The following ANKRD36B variants were observed in gnomAD, a reference collection of about 807,000 sequenced individuals.
ANKRD36B encodes the protein ankyrin repeat domain 36B, also known as ankyrin repeat domain-containing protein 36B.
ANKRD36B carries 37 observed loss-of-function variants against 135.7 expected under a neutral mutation model. That is an observed-to-expected ratio of 0.27 (90% confidence interval 0.21 to 0.36). The LOEUF is 0.36. Among genes scored for constraint, ANKRD36B ranks in the 10% least tolerant of loss-of-function variants. The probability of loss-of-function intolerance (pLI) is 1.00; values close to 1 mark genes in which losing one functional copy is unlikely to be tolerated. For missense variants in ANKRD36B, 549 were observed against 1,037.1 expected (o/e 0.53, Z 6.46); for synonymous variants, 179 against 348.1 (o/e 0.51, Z 5.41).
chr2:97,567,426 C>T (rs1433487951), intron 6 of ANKRD36B, among the ~76,000 whole-genome samples: 1 of 151,766 alleles, frequency 6.6e-6, no homozygotes, highest in Non-Finnish European at 1.5e-5. Flanking sequence ...TAATCACACC[C>T]TGATCACTAT....
At chr2:97,551,788 CAG>C (rs1032698821) in intron 16 of ANKRD36B, among the ~76,000 whole-genome samples, 3 of 151,950 alleles carry the variant, frequency 2.0e-5, no homozygotes, top group African/African-American at 7.2e-5. Context: ...GATCTAAAAT[CAG>C]AGGAGAAACT....
At chr2:97,580,652 C>T in intron 3 of ANKRD36B, 84 bp from the exon 4 acceptor site, 1 of 1,282,192 alleles carries the variant, frequency 7.8e-7, no homozygotes, top group South Asian at 1.4e-5. Context: ...ATCCTGTGAG[C>T]TTCAATATAT....
chr2:97,557,159 C>T, intron 10 of ANKRD36B, 27 bp from the exon 11 acceptor site: 1 of 1,510,580 alleles, frequency 6.6e-7, no homozygotes, highest in Non-Finnish European at 8.9e-7. Context: ...ATATATAATT[C>T]ATCATATGTA....
rs1172855762 is a variant in ANKRD36B, at chr2:97,543,950, T to C, written c.1710+7A>G. The C allele has an allele frequency of 1.8e-5, 3 of 165,236 alleles. 1 individual carries two copies. Among genetic ancestry groups the C allele is most frequent in the East Asian group, 6.5e-5 (1 of 15,374 alleles). The allele number at this position is 165,236 out of a possible 1,614,324, so 10.2% of individuals were successfully genotyped here. On this transcript the variant is annotated splice_region_variant and intron_variant, in intron 25 of 43. Coordinates refer to ENST00000359901, the MANE Select transcript of ANKRD36B (RefSeq NM_001393939.1). ...ATAGTTCACAATATAAATGAGAGTTTAATTACCTTCAAGGCTGGTTGTTTC... is the reference window on the plus strand; with the variant it reads ...ATAGTTCACAATATAAATGAGAGTTCAATTACCTTCAAGGCTGGTTGTTTC...
In ANKRD36B at chr2:97,540,861, T is replaced by C. The variant is rs1451760952; in HGVS notation, c.1886-632A>G. 2.1e-5 allele frequency among the ~76,000 whole-genome samples: 2 copies of C among 96,516 alleles called. 1 individual carries two copies. The highest frequency in any genetic ancestry group is 4.6e-4 in the East Asian group (2 of 4,340). The allele number at this position is 96,516 out of a possible 152,430, so 63.3% of individuals were successfully genotyped here. A position where few individuals can be genotyped will look rare whatever the true frequency, so the allele number is the denominator to read the frequency against. ...AGTTTCTTGTATCCACTCGTTTAGC[T>C]TTCCAAAAGTTTCTTCATCCATTCA... On this transcript the variant is annotated intron_variant, in intron 28 of 43. Coordinates refer to ENST00000359901, the MANE Select transcript of ANKRD36B (RefSeq NM_001393939.1).
rs562775706 is a variant in ANKRD36B at position 97,558,908 on chromosome 2, A to G, written c.895-37T>C. The G allele has an allele frequency of 4.4e-5, 70 of 1,608,800 alleles. No homozygotes were observed. The South Asian group carries it at 6.3e-4, about 14-fold the overall frequency. On this transcript the variant is annotated intron_variant, in intron 9 of 43. Coordinates refer to ENST00000359901, the MANE Select transcript of ANKRD36B (RefSeq NM_001393939.1). ...TTGAAACAAAATAATCAATATGTAA[A>G]GTAGGTTTCATAGACTATACGGTTA...
At chr2:97,550,899 G>C (rs2079991044) in intron 18 of ANKRD36B, among the ~76,000 whole-genome samples, 1 of 151,812 alleles carries the variant, frequency 6.6e-6, no homozygotes, top group African/African-American at 2.4e-5. Flanking sequence ...CAGTGTCTAT[G>C]GGTTATTATG....
At chr2:97,557,242 G>C (rs2080615512) in intron 10 of ANKRD36B, 110 bp from the exon 11 acceptor site, 1 of 1,446,232 alleles carries the variant, frequency 6.9e-7, no homozygotes, top group East Asian at 2.5e-5. Context: ...CACTAGTGTA[G>C]GATTTGATGT....
chr2:97,580,126 T>C (rs1008502780), intron 4 of ANKRD36B, among the ~76,000 whole-genome samples: 7 of 152,212 alleles, frequency 4.6e-5, no homozygotes, highest in Non-Finnish European at 7.3e-5. Flanking sequence ...GATCATACAA[T>C]CAAAAGCATC....
At chr2:97,584,434 C>G (rs2082834013) in intron 3 of ANKRD36B, among the ~76,000 whole-genome samples, 2 of 150,690 alleles carry the variant, frequency 1.3e-5, no homozygotes, top group South Asian at 2.2e-4. Flanking sequence ...TGATTGCTCT[C>G]CTTTTCTTCA....
At chr2:97,555,705 C>G (rs1484170432) in intron 12 of ANKRD36B, among the ~76,000 whole-genome samples, 1 of 151,864 alleles carries the variant, frequency 6.6e-6, no homozygotes, top group South Asian at 2.1e-4. Flanking sequence ...TGAGAAAGTA[C>G]ACAATTACAA....
chr2:97,552,403 C>T (rs1344973368), intron 16 of ANKRD36B, among the ~76,000 whole-genome samples: 1 of 151,882 alleles, frequency 6.6e-6, no homozygotes, highest in Non-Finnish European at 1.5e-5. Context: ...GAGGTAGCTC[C>T]TTCAACAAGG....
Position 97,571,298 on chromosome 2 carries a change from C to A in ANKRD36B, c.763+5081G>T, listed in dbSNP as rs1190428431. Among the ~76,000 whole-genome samples the A allele has an allele frequency of 3.3e-5, 5 of 152,204 alleles. No homozygotes were observed. In the East Asian group the frequency reaches 7.7e-4, roughly 24 times the overall value. On this transcript the variant is annotated intron_variant, in intron 6 of 43. Transcript: ENST00000359901. ...GTTTGAGGCTGCAGTGGAGATTGTG[C>A]CTGTGAACAACCATTGCACTCCAGC...
Position 97,562,522 on chromosome 2 carries a change from G to C in ANKRD36B, c.764-1662C>G, listed in dbSNP as rs543256796. 2.9e-3 allele frequency among the ~76,000 whole-genome samples: 444 copies of C among 152,080 alleles called. 1 individual carries two copies. Among genetic ancestry groups the C allele is most frequent in the African/African-American group, 9.8e-3 (408 of 41,540 alleles). On this transcript the variant is annotated intron_variant, in intron 6 of 43. Coordinates refer to ENST00000359901, the MANE Select transcript of ANKRD36B (RefSeq NM_001393939.1). ...GACCCTGTGGGTTACCCTCATCCTT[G>C]TAACTTCTGCTTCTGCTTTCCATTA...
chr2:97,566,015 TA>T (rs933382930), intron 6 of ANKRD36B, among the ~76,000 whole-genome samples: 5 of 150,616 alleles, frequency 3.3e-5, no homozygotes, highest in African/African-American at 1.2e-4. Context: ...GACTCTTTAT[TA>T]AAAAAAAATC....
intron 35 of ANKRD36B, among the ~76,000 whole-genome samples, chr2:97,525,602 T>C (rs1453648409): frequency 1.0e-5 from 1 of 95,978 alleles, no homozygotes; most frequent in Non-Finnish European, 2.8e-5. Flanking sequence ...GGGTGAGGCA[T>C]TGCCTCACTC....
intron 12 of ANKRD36B, among the ~76,000 whole-genome samples, 167 bp from the exon 13 acceptor site, chr2:97,555,421 A>C (rs2080427428): frequency 6.6e-6 from 1 of 151,902 alleles, no homozygotes; most frequent in Non-Finnish European, 1.5e-5. Context: ...GAAAAAAAAG[A>C]AATACAGGTT....
chr2:97,555,276 T>C, intron 12 of ANKRD36B, 22 bp from the exon 13 acceptor site: 1 of 1,610,396 alleles, frequency 6.2e-7, no homozygotes, highest in Non-Finnish European at 8.5e-7. Context: ...AAGGGATACA[T>C]AATCACTCAT....
At chr2:97,551,984 C>T (rs1057274682) in intron 16 of ANKRD36B, among the ~76,000 whole-genome samples, 6 of 151,970 alleles carry the variant, frequency 3.9e-5, no homozygotes, top group African/African-American at 1.4e-4. Context: ...CACATCTCTT[C>T]ACTGGTAATG....
Sources: allele counts gnomAD v4.1 joint callset (sites outside exome capture counted in the v4.1 genomes callset), GRCh38; gene constraint gnomAD v4.1.1; transcripts MANE v1.5; gene names NCBI Gene and HGNC (gene_info 2026-07-23, HGNC 2026-07-21).